CDH12: variants seen among roughly 807,000 people sequenced by gnomAD.
CDH12 encodes the protein cadherin-12.
A neutral mutation model predicts 74.1 loss-of-function variants in CDH12; 41 were observed. The observed-to-expected ratio is 0.55, with a 90% CI of 0.43 to 0.72. The LOEUF (loss-of-function observed/expected upper bound fraction) is 0.72, where lower values mean the gene tolerates loss of function less well. Among genes scored for constraint, CDH12 ranks in the 30% least tolerant of loss-of-function variants. CDH12 has a pLI of 0.00. For missense variants in CDH12, 945 were observed against 977.2 expected, an observed-to-expected ratio of 0.97 and a Z score of 0.44; for synonymous variants, 399 against 355.0, an observed-to-expected ratio of 1.12 and a Z score of -1.39.
chr5:21,840,991 G>A (rs1488189272), intron 8 of CDH12, among the ~76,000 whole-genome samples: 2 of 151,770 alleles, frequency 1.3e-5, no homozygotes. Flanking sequence ...GGCAACAAAA[G>A]CCAAAATTGA....
At chr5:21,995,269 G>A (rs1401114676) in intron 5 of CDH12, among the ~76,000 whole-genome samples, 1 of 151,552 alleles carries the variant, frequency 6.6e-6, no homozygotes, top group African/African-American at 2.4e-5. Flanking sequence ...TTATGAAGGA[G>A]GGAAGTCTGG....
intron 2 of CDH12, among the ~76,000 whole-genome samples, chr5:22,491,606 T>A (rs560560596): frequency 7.8e-4 from 42 of 53,920 alleles, no homozygotes; most frequent in East Asian, 7.7e-3. Flanking sequence ...GGACAGCTAA[T>A]GAGCAAAAAA....
chr5:22,778,638 TTA>T (rs1481575626), intron 1 of CDH12, among the ~76,000 whole-genome samples: 3 of 152,176 alleles, frequency 2.0e-5, no homozygotes, highest in Non-Finnish European at 4.4e-5. Flanking sequence ...TAAATTTCTC[TTA>T]TTTCTATTTT....
At chr5:22,160,797 C>T (rs1377053079) in intron 4 of CDH12, among the ~76,000 whole-genome samples, 1 of 152,138 alleles carries the variant, frequency 6.6e-6, no homozygotes, top group African/African-American at 2.4e-5. Flanking sequence ...ATGAATGCTC[C>T]ACCCTCACGA....
intron 4 of CDH12, among the ~76,000 whole-genome samples, chr5:22,179,791 C>T (rs1478509788): frequency 6.6e-6 from 1 of 152,150 alleles, no homozygotes; most frequent in African/African-American, 2.4e-5. Flanking sequence ...ATTAATTTAG[C>T]ACCTATAGAG....
At chr5:22,663,563 C>A (rs2126901370) in intron 1 of CDH12, among the ~76,000 whole-genome samples, 1 of 152,220 alleles carries the variant, frequency 6.6e-6, no homozygotes, top group East Asian at 1.9e-4. Context: ...TTGTAAATTA[C>A]TCTTTACAAA....
chr5:22,730,740 A>G (rs1341833177), intron 1 of CDH12, among the ~76,000 whole-genome samples: 1 of 151,722 alleles, frequency 6.6e-6, no homozygotes, highest in Non-Finnish European at 1.5e-5. Context: ...AATGGAAAAA[A>G]AATCAATTGT....
chr5:22,385,460 T>C (rs1741957502), intron 3 of CDH12, among the ~76,000 whole-genome samples: 2 of 152,194 alleles, frequency 1.3e-5, no homozygotes, highest in Admixed American at 1.3e-4. Context: ...CCTAGAAAAC[T>C]TCCAATTGTA....
chr5:22,016,392 AT>A (rs1213541475), intron 5 of CDH12, among the ~76,000 whole-genome samples: 4 of 151,466 alleles, frequency 2.6e-5, no homozygotes, highest in South Asian at 2.1e-4. Context: ...CTTATATAAG[AT>A]TTTTTTTGTT....
In CDH12 at chr5:21,828,426, A is replaced by G. The variant is rs951539115; in HGVS notation, c.815-11294T>C. 2.0e-5 allele frequency among the ~76,000 whole-genome samples: 3 copies of G among 151,968 alleles called. No homozygotes were observed. In the East Asian group the frequency reaches 5.8e-4, roughly 29 times the overall value. On this transcript the variant is annotated intron_variant, in intron 8 of 14. Transcript: ENST00000382254. ...CGTGAGCCACTGAGCCTGGCCAAAA[A>G]CACTGAAAATTTTAAGTTAGCTGGG...
At chr5:21,978,765 C>G (rs2963526) in intron 5 of CDH12, among the ~76,000 whole-genome samples, 2 of 152,008 alleles carry the variant, frequency 1.3e-5, no homozygotes, top group Non-Finnish European at 2.9e-5. Context: ...TGTATGTATA[C>G]GCACGTGTTT....
At chr5:22,116,146 G>A (rs371548663) in intron 4 of CDH12, among the ~76,000 whole-genome samples, 3 of 152,286 alleles carry the variant, frequency 2.0e-5, no homozygotes, top group African/African-American at 7.2e-5. Context: ...CTAATCACAT[G>A]AGCCCTTAAG....
At chr5:22,294,543 G>A (rs1316973732) in intron 3 of CDH12, among the ~76,000 whole-genome samples, 1 of 152,142 alleles carries the variant, frequency 6.6e-6, no homozygotes, top group Non-Finnish European at 1.5e-5. Context: ...CTTACACAAG[G>A]AACTTTAGAT....
At chr5:22,738,500 A>C (rs1295738282) in intron 1 of CDH12, among the ~76,000 whole-genome samples, 1 of 152,048 alleles carries the variant, frequency 6.6e-6, no homozygotes, top group Non-Finnish European at 1.5e-5. Context: ...ACGAAGAGCA[A>C]GCTAGTTACC....
chr5:22,776,807 A>C (rs968520356), intron 1 of CDH12, among the ~76,000 whole-genome samples: 2 of 152,170 alleles, frequency 1.3e-5, no homozygotes, highest in Non-Finnish European at 2.9e-5. Context: ...TTCATTGCCC[A>C]AAACACAATA....
intron 5 of CDH12, among the ~76,000 whole-genome samples, chr5:21,981,998 G>C (rs1216585286): frequency 6.6e-6 from 1 of 152,120 alleles, no homozygotes; most frequent in Admixed American, 6.6e-5. Context: ...AAATAAGCCT[G>C]ATAGTTAATT....
intron 3 of CDH12, among the ~76,000 whole-genome samples, chr5:22,331,565 G>A (rs1739353239): frequency 6.6e-6 from 1 of 152,142 alleles, no homozygotes; most frequent in African/African-American, 2.4e-5. Flanking sequence ...AAGGAGGACA[G>A]GCACAAATAA....
intron 1 of CDH12, among the ~76,000 whole-genome samples, chr5:22,836,223 C>CTTTTTTTTTT (rs61616737): frequency 0.073 from 4,754 of 65,146 alleles, 1,016 homozygotes; most frequent in South Asian, 0.16. Context: ...CTTTCTTTCT[C>CTTTTTTTTTT]TTTTTTTTTT....
intron 1 of CDH12, among the ~76,000 whole-genome samples, chr5:22,765,345 G>A (rs1194458555): frequency 6.6e-6 from 1 of 151,944 alleles, no homozygotes; most frequent in Non-Finnish European, 1.5e-5. Context: ...TATGATGGTT[G>A]TAGCAGATAA....
Sources: allele counts gnomAD v4.1 joint callset (sites outside exome capture counted in the v4.1 genomes callset), GRCh38; gene constraint gnomAD v4.1.1; transcripts MANE v1.5; gene names NCBI Gene and HGNC (gene_info 2026-07-23, HGNC 2026-07-21).